The following NMT1 variants were observed in gnomAD, a reference collection of about 807,000 sequenced individuals.
NMT1 encodes the protein glycylpeptide N-tetradecanoyltransferase 1.
A neutral mutation model predicts 63.4 loss-of-function variants in NMT1; 12 were observed. The ratio of observed to expected loss-of-function variants is 0.19; its 90% CI spans 0.12 to 0.31. The LOEUF is 0.31. Ranked by LOEUF, NMT1 falls within the 10% of genes least tolerant of loss-of-function variation. NMT1 has a pLI of 1.00. For missense variants in NMT1, 432 were observed against 634.6 expected (o/e 0.68, Z 3.43); for synonymous variants, 228 against 234.3 (o/e 0.97, Z 0.25).
chr17:45,088,492 C>T (rs997645696), intron 3 of NMT1, among the ~76,000 whole-genome samples: 3 of 152,226 alleles, frequency 2.0e-5, no homozygotes, highest in African/African-American at 4.8e-5. Flanking sequence ...CAGTGGCTCA[C>T]GCCTGTAATC....
At chr17:45,102,548 G>A (rs1224679075) in intron 8 of NMT1, among the ~76,000 whole-genome samples, 2 of 152,256 alleles carry the variant, frequency 1.3e-5, no homozygotes. Context: ...AGTGTGGGAT[G>A]GCATCAGTCA....
chr17:45,100,493 G>A (rs1399357592), intron 8 of NMT1, among the ~76,000 whole-genome samples: 2 of 151,666 alleles, frequency 1.3e-5, no homozygotes, highest in African/African-American at 2.4e-5. Context: ...GCATGGACCC[G>A]GGAGGTGGAG....
At position 45,093,700 on chromosome 17, in the gene NMT1, C is replaced by T; in HGVS notation, c.401C>T (p.Thr134Ile). 1.2e-6 allele frequency: 2 copies of T among 1,614,216 alleles called. No individual in the cohort carries two copies. Among genetic ancestry groups the T allele is most frequent in the Non-Finnish European group, 8.5e-7 (1 of 1,180,018 alleles). ...CTTCTTTCAGGCGAAGTGGTGAACACCCATGGCCCCGTGGAGCCTGACAAG... is the reference window on the plus strand; with the variant it reads ...CTTCTTTCAGGCGAAGTGGTGAACATCCATGGCCCCGTGGAGCCTGACAAG... Reference protein sequence around the residue: ...PVPKLGEVVNTHGPVEPDKDN... With the variant: ...PVPKLGEVVNIHGPVEPDKDN... The change falls in exon 4 of 12, where the codon ACC becomes ATC. Residue 134 changes from threonine (T) to isoleucine (I), a missense_variant. Thr to Ile is a moderately conservative substitution (Grantham distance 89, BLOSUM62 -1). Transcript: ENST00000258960.
intron 8 of NMT1, among the ~76,000 whole-genome samples, 158 bp from the exon 9 acceptor site, chr17:45,102,793 C>T (rs555505439): frequency 3.3e-4 from 50 of 152,264 alleles, no homozygotes; most frequent in African/African-American, 1.2e-3. Flanking sequence ...CCAGAAGATA[C>T]GGAAGAGGCA....
At position 45,105,050 on chromosome 17, in the gene NMT1, C is replaced by T. The variant is rs967674354; in HGVS notation, c.1470+54C>T. 1.2e-6 allele frequency: 2 copies of T among 1,607,956 alleles called. No individual in the cohort carries two copies. Among genetic ancestry groups the T allele is most frequent in the South Asian group, 1.1e-5 (1 of 90,732 alleles). ...TGCCCGGCCCAGGGTGTCCATGTCT[C>T]CAGCAGAAACCGGGCCATGGGTTGA... On this transcript the variant is annotated intron_variant, in intron 11 of 11. Transcript: ENST00000258960. This position sits in a 1 kb window ranked among gnomAD's most constrained non-coding sequence, Gnocchi z 4.2.
chr17:45,071,106 C>T lies in NMT1; in HGVS notation c.131+9646C>T, dbSNP rs544973718. On this transcript the variant is annotated intron_variant, in intron 1 of 11. Transcript: ENST00000258960. ...GAGTACTAATAGGATTATTAGTGAACTTACCATACTTCAAGAGTTAATTGA... is the reference window on the plus strand; with the variant it reads ...GAGTACTAATAGGATTATTAGTGAATTTACCATACTTCAAGAGTTAATTGA... Among the ~76,000 whole-genome samples, 215 of 152,298 alleles carry T rather than the reference C, an allele frequency of 1.4e-3. 1 individual carries two copies. Among genetic ancestry groups the T allele is most frequent in the South Asian group, 0.011 (52 of 4,824 alleles).
In NMT1 at chr17:45,086,645, C is replaced by G. The variant is rs767261647; in HGVS notation, c.378C>G (p.Pro126=). Reference sequence around the variant, plus strand: ...AGTTCTGGGATACGCAGCCCGTCCCCAAGCTGGGTATGTACATGCTTGCTT... The same window carrying G: ...AGTTCTGGGATACGCAGCCCGTCCCGAAGCTGGGTATGTACATGCTTGCTT... ...SYQFWDTQPV[P]KLGEVVNTHG... Residue 126 remains proline (P), a synonymous_variant, in exon 3 of 12, where the codon CCC becomes CCG. Transcript: ENST00000258960. 1 of 1,610,700 alleles carries G rather than the reference C, an allele frequency of 6.2e-7. No individual in the cohort carries two copies. The highest frequency in any genetic ancestry group is 1.1e-5 in the South Asian group (1 of 90,638).
intron 8 of NMT1, 156 bp downstream of exon 8, chr17:45,099,669 C>G (rs1362983455): frequency 8.3e-6 from 5 of 604,542 alleles, no homozygotes; most frequent in African/African-American, 1.9e-5. Context: ...CTTTCTATTT[C>G]TGTTATCTGA....
chr17:45,103,568 CCCA>C lies in NMT1; in HGVS notation c.1165-139_1165-137del. On this transcript the variant is annotated intron_variant, in intron 9 of 11. Coordinates refer to ENST00000258960, the MANE Select transcript of NMT1 (RefSeq NM_021079.5). The surrounding 1 kb of genome is among the most constrained non-coding windows in gnomAD (Gnocchi z 4.8). ...CCCTGAGCCAATGTCCCTCCTCCTCCCCACATGTCCTGTTGCAGTTTCCAGCCA... is the reference window on the plus strand; with the variant it reads ...CCCTGAGCCAATGTCCCTCCTCCTCCCATGTCCTGTTGCAGTTTCCAGCCA... 1 of 855,552 alleles carries C rather than the reference CCCA, an allele frequency of 1.2e-6. No homozygotes were observed. The allele number at this position is 855,552 out of a possible 1,614,324, so 53.0% of individuals were successfully genotyped here. A position where few individuals can be genotyped will look rare whatever the true frequency, so the allele number is the denominator to read the frequency against.
chr17:45,092,784 T>C (rs1347524337), intron 3 of NMT1, among the ~76,000 whole-genome samples: 1 of 151,990 alleles, frequency 6.6e-6, no homozygotes, highest in African/African-American at 2.4e-5. Context: ...AAGCATGAAT[T>C]GAGTGCCTAG....
At chr17:45,101,486 G>A (rs557492448) in intron 8 of NMT1, among the ~76,000 whole-genome samples, 8 of 151,368 alleles carry the variant, frequency 5.3e-5, no homozygotes, top group African/African-American at 1.7e-4. Flanking sequence ...GCTGGGTGTG[G>A]TATGTGCCTG....
chr17:45,072,031 A>G (rs1476177346), intron 1 of NMT1, among the ~76,000 whole-genome samples: 1 of 152,194 alleles, frequency 6.6e-6, no homozygotes, highest in Non-Finnish European at 1.5e-5. Context: ...GCAGGTGGAT[A>G]GCTTGAGTCC....
At chr17:45,102,871 G>C in intron 8 of NMT1, 80 bp from the exon 9 acceptor site, 2 of 1,360,790 alleles carry the variant, frequency 1.5e-6, no homozygotes, top group Non-Finnish European at 2.0e-6. Context: ...ATTCTCTCTT[G>C]AGGGCCTGAT....
intron 1 of NMT1, among the ~76,000 whole-genome samples, chr17:45,075,587 C>T (rs1351740353): frequency 6.6e-6 from 1 of 152,002 alleles, no homozygotes; most frequent in Non-Finnish European, 1.5e-5. Flanking sequence ...CAAGACCAGC[C>T]TGGCCAACAT....
Position 45,104,225 on chromosome 17 carries a change from G to A in NMT1, c.1332+349G>A. The A allele has an allele frequency of 8.2e-7, 1 of 1,222,182 alleles. No homozygotes were observed. Among genetic ancestry groups the A allele is most frequent in the Non-Finnish European group, 1.0e-6 (1 of 964,838 alleles). 75.7% of individuals were successfully genotyped at this position (1,222,182 alleles called of 1,614,324 possible). A position where few individuals can be genotyped will look rare whatever the true frequency, so the allele number is the denominator to read the frequency against. On this transcript the variant is annotated intron_variant, in intron 10 of 11. Coordinates refer to ENST00000258960, the MANE Select transcript of NMT1 (RefSeq NM_021079.5). The surrounding 1 kb of genome is among the most constrained non-coding windows in gnomAD (Gnocchi z 4.2). Reference sequence around the variant, plus strand: ...AAAGGGGTGATTGCTGTCTGTCGTGGTGAGTCATTGGAGCATCCAACTGCC... The same window carrying A: ...AAAGGGGTGATTGCTGTCTGTCGTGATGAGTCATTGGAGCATCCAACTGCC...
At chr17:45,067,250 G>C (rs553878922) in intron 1 of NMT1, among the ~76,000 whole-genome samples, 1 of 151,938 alleles carries the variant, frequency 6.6e-6, no homozygotes, top group Non-Finnish European at 1.5e-5. Flanking sequence ...TTAATTTGGG[G>C]GTAATAAGTG....
intron 4 of NMT1, 128 bp downstream of exon 4, chr17:45,093,931 C>CGGGA: frequency 1.5e-6 from 1 of 673,558 alleles, no homozygotes; most frequent in African/African-American, 1.8e-5. Flanking sequence ...AACAGACTCC[C>CGGGA]GTCTGTAACT....
chr17:45,084,436 G>A (rs779268640), intron 2 of NMT1, among the ~76,000 whole-genome samples: 4 of 150,282 alleles, frequency 2.7e-5, no homozygotes, highest in Non-Finnish European at 5.9e-5. Context: ...CTGGGTTCAC[G>A]CCATTCTCCT....
intron 1 of NMT1, among the ~76,000 whole-genome samples, chr17:45,075,871 A>T (rs890563275): frequency 5.9e-5 from 9 of 152,182 alleles, no homozygotes; most frequent in African/African-American, 1.7e-4. Flanking sequence ...GGAGTTCAAG[A>T]CCAGCCTGAC....
Sources: allele counts gnomAD v4.1 joint callset (sites outside exome capture counted in the v4.1 genomes callset), GRCh38; gene constraint gnomAD v4.1.1; non-coding constraint Gnocchi (gnomAD v3.1); transcripts MANE v1.5; gene names NCBI Gene and HGNC (gene_info 2026-07-23, HGNC 2026-07-21).